Variants in TTC7A observed in about 807,000 individuals in gnomAD.
TTC7A encodes the protein tetratricopeptide repeat domain 7A.
A neutral mutation model predicts 103.7 loss-of-function variants in TTC7A; 110 were observed. The observed-to-expected ratio is 1.06, with a 90% confidence interval of 0.91 to 1.24. The LOEUF is 1.24. Among genes scored for constraint, TTC7A ranks in the 50% most tolerant of loss-of-function variants. The pLI is 0.00. For missense variants in TTC7A, 1,340 were observed against 1,116.3 expected, an observed-to-expected ratio of 1.20 and a Z score of -2.86; for synonymous variants, 521 against 467.9, an observed-to-expected ratio of 1.11 and a Z score of -1.47.
intron 5 of TTC7A, among the ~76,000 whole-genome samples, chr2:46,982,768 A>G (rs1260825019): frequency 6.6e-6 from 1 of 152,194 alleles, no homozygotes; most frequent in Non-Finnish European, 1.5e-5. Flanking sequence ...GTTTGAGACC[A>G]GCCTGGACAA....
intron 5 of TTC7A, among the ~76,000 whole-genome samples, chr2:46,988,770 G>A (rs1284370351): frequency 6.6e-6 from 1 of 152,182 alleles, no homozygotes; most frequent in African/African-American, 2.4e-5. Flanking sequence ...TAACCATGCT[G>A]GGTCAAGAGA....
intron 15 of TTC7A, among the ~76,000 whole-genome samples, chr2:47,041,787 A>G (rs1376644239): frequency 6.6e-6 from 1 of 151,730 alleles, no homozygotes; most frequent in East Asian, 1.9e-4. Context: ...TGAGTTTACT[A>G]TTAAACTCTT....
At position 47,043,144 on chromosome 2, in the gene TTC7A, A is replaced by G. The variant is rs72872979; in HGVS notation, c.1803-3171A>G. 1.6e-3 allele frequency among the ~76,000 whole-genome samples: 241 copies of G among 152,376 alleles called. 2 individuals are homozygous for G. The highest frequency in any genetic ancestry group is 5.2e-3 in the African/African-American group (218 of 41,594). On this transcript the variant is annotated intron_variant, in intron 15 of 19. Coordinates refer to ENST00000319190, the MANE Select transcript of TTC7A (RefSeq NM_020458.4). ...GAAGCAGCTACCCGTTGCAGTGGAC[A>G]GGATGGAGAGGGGGCCTGTGCTCCT...
At chr2:47,044,858 C>T (rs376303252) in intron 15 of TTC7A, among the ~76,000 whole-genome samples, 3 of 152,220 alleles carry the variant, frequency 2.0e-5, no homozygotes, top group African/African-American at 4.8e-5. Flanking sequence ...AGAGTAAGGA[C>T]ATCAGAGGGC....
In TTC7A at chr2:47,024,362, G is replaced by A. The variant is rs370452371; in HGVS notation, c.1641+3G>A. ...TGCAGCTGGCCCTCGTCCGACAGGTGGGTTGTCCGTGTTCCTAACCCCCGG... is the reference window on the plus strand; with the variant it reads ...TGCAGCTGGCCCTCGTCCGACAGGTAGGTTGTCCGTGTTCCTAACCCCCGG... On this transcript the variant is annotated splice_donor_region_variant and intron_variant, in intron 14 of 19. Transcript: ENST00000319190. 6.2e-7 allele frequency: 1 copy of A among 1,604,750 alleles called. No individual in the cohort carries two copies. The highest frequency in any genetic ancestry group is 1.7e-5 in the Admixed American group (1 of 59,050).
At chr2:46,928,468 A>G (rs1038692563) in intron 2 of TTC7A, among the ~76,000 whole-genome samples, 1 of 150,710 alleles carries the variant, frequency 6.6e-6, no homozygotes, top group East Asian at 1.9e-4. Flanking sequence ...TTAAAAAAAA[A>G]AAAAAAAAAA....
At chr2:47,047,169 C>T in intron 16 of TTC7A, 1 of 715,224 alleles carries the variant, frequency 1.4e-6, no homozygotes. Context: ...AGCCCTGCCT[C>T]TTCCTGATCC....
At chr2:47,013,011 C>T (rs76125824) in intron 11 of TTC7A, among the ~76,000 whole-genome samples, 16,378 of 152,180 alleles carry the variant, frequency 0.11, 916 homozygotes, top group African/African-American at 0.13. Flanking sequence ...AGTTTCACTG[C>T]CCACCCACTG....
At chr2:47,021,602 C>A (rs1679281586) in intron 11 of TTC7A, among the ~76,000 whole-genome samples, 1 of 152,240 alleles carries the variant, frequency 6.6e-6, no homozygotes, top group African/African-American at 2.4e-5. Context: ...CCGAGCAGGA[C>A]AGGCACAGAC....
At chr2:47,036,296 G>T (rs920163656) in intron 15 of TTC7A, among the ~76,000 whole-genome samples, 1 of 152,226 alleles carries the variant, frequency 6.6e-6, no homozygotes. Context: ...CTAACTTCAG[G>T]AAACCAAAGC....
chr2:46,943,057 T>C (rs1670590293), intron 1 of TTC7A, among the ~76,000 whole-genome samples: 1 of 152,028 alleles, frequency 6.6e-6, no homozygotes, highest in South Asian at 2.1e-4. Flanking sequence ...AGGTGCTGGC[T>C]ACCATGCCCG....
chr2:46,969,825 T>C (rs1461276836), intron 3 of TTC7A, among the ~76,000 whole-genome samples: 3 of 152,204 alleles, frequency 2.0e-5, no homozygotes, highest in African/African-American at 4.8e-5. Context: ...CCCTAGGCCC[T>C]GGCCATCACT....
At chr2:46,948,019 C>G (rs28612371) in intron 1 of TTC7A, among the ~76,000 whole-genome samples, 10,341 of 152,210 alleles carry the variant, frequency 0.068, 465 homozygotes, top group African/African-American at 0.13. Context: ...ATGAAAGTAC[C>G]CAACCAAACA....
intron 18 of TTC7A, among the ~76,000 whole-genome samples, chr2:47,059,662 G>T (rs1287300866): frequency 6.6e-6 from 1 of 152,156 alleles, no homozygotes; most frequent in Non-Finnish European, 1.5e-5. Flanking sequence ...GACATGCAAT[G>T]AACAAAGTGA....
chr2:47,045,239 TG>T (rs1404610829), intron 15 of TTC7A, among the ~76,000 whole-genome samples: 1 of 152,208 alleles, frequency 6.6e-6, no homozygotes, highest in Non-Finnish European at 1.5e-5. Flanking sequence ...ACTTCCATAC[TG>T]GTTGCTGTAT....
At chr2:46,951,791 G>C (rs1050867544) in intron 2 of TTC7A, 4 of 387,068 alleles carry the variant, frequency 1.0e-5, no homozygotes, top group Admixed American at 5.9e-5. Context: ...AAGGCATTGT[G>C]TTGTGCACTC....
chr2:46,956,209 C>T (rs1671839258), intron 2 of TTC7A, among the ~76,000 whole-genome samples: 1 of 152,170 alleles, frequency 6.6e-6, no homozygotes, highest in Non-Finnish European at 1.5e-5. Flanking sequence ...AAAGAAAACA[C>T]GTTTAAATTC....
chr2:47,017,322 C>G (rs1262368484), intron 11 of TTC7A, among the ~76,000 whole-genome samples: 2 of 151,322 alleles, frequency 1.3e-5, no homozygotes, highest in Non-Finnish European at 2.9e-5. Context: ...CCAGACAAGC[C>G]TGGACCACAT....
At chr2:46,924,651 G>T (rs140137104) in intron 2 of TTC7A, among the ~76,000 whole-genome samples, 125 of 152,068 alleles carry the variant, frequency 8.2e-4, no homozygotes, top group African/African-American at 2.9e-3. Context: ...CCTGGAGATA[G>T]GGTCTTGCTC....
Sources: gnomAD v4.1 joint callset for allele counts (sites outside exome capture counted in the v4.1 genomes callset) on GRCh38, gnomAD v4.1.1 for gene constraint, MANE v1.5 for transcripts, NCBI Gene and HGNC (gene_info 2026-07-23, HGNC 2026-07-21) for gene names.